Variants in ATP10A observed in about 807,000 individuals in gnomAD.
ATP10A encodes the protein ATPase phospholipid transporting 10A (putative).
Under a neutral mutation model 147.8 loss-of-function variants are expected in ATP10A, and 111 were observed. The observed-to-expected ratio is 0.75, with a 90% CI of 0.64 to 0.88. ATP10A has a LOEUF of 0.88. Ranked by LOEUF, ATP10A falls within the 40% of genes least tolerant of loss-of-function variation. The probability of loss-of-function intolerance (pLI) is 0.00; values close to 1 mark genes in which losing one functional copy is unlikely to be tolerated. For missense variants in ATP10A, 1,927 were observed against 1,959.0 expected (o/e 0.98, Z 0.31); for synonymous variants, 875 against 841.6 (o/e 1.04, Z -0.69).
intron 1 of ATP10A, among the ~76,000 whole-genome samples, chr15:25,831,461 G>A (rs1218031856): frequency 6.6e-6 from 1 of 152,218 alleles, no homozygotes; most frequent in Non-Finnish European, 1.5e-5. Context: ...CATGTTCAGT[G>A]TGTCGAGATG....
chr15:25,706,504 C>T (rs1413450823), intron 12 of ATP10A, among the ~76,000 whole-genome samples: 1 of 152,242 alleles, frequency 6.6e-6, no homozygotes, highest in Non-Finnish European at 1.5e-5. Flanking sequence ...GCTGTCCGAT[C>T]AGCCTGCATG....
At chr15:25,676,178 G>A (rs1410137865), downstream of ATP10A, among the ~76,000 whole-genome samples, 2 of 152,254 alleles carry the variant, frequency 1.3e-5, no homozygotes, top group South Asian at 2.1e-4. Flanking sequence ...GTAGAGATGC[G>A]AGGAAAGCAG....
chr15:25,817,814 G>A (rs1026246439), intron 1 of ATP10A, among the ~76,000 whole-genome samples: 4 of 152,244 alleles, frequency 2.6e-5, no homozygotes, highest in African/African-American at 7.2e-5. Context: ...AATACAACAC[G>A]GGGCTCTTGT....
At chr15:25,746,307 T>C (rs932545341) in intron 2 of ATP10A, among the ~76,000 whole-genome samples, 1 of 152,004 alleles carries the variant, frequency 6.6e-6, no homozygotes, top group Non-Finnish European at 1.5e-5. Context: ...ATTTGAAAAA[T>C]AAAAATGTCT....
chr15:25,859,992 C>T (rs186850759), intron 1 of ATP10A, among the ~76,000 whole-genome samples: 82 of 152,264 alleles, frequency 5.4e-4, no homozygotes, highest in Admixed American at 4.7e-3. Flanking sequence ...TTGGAGGAAG[C>T]GCCACACAAA....
chr15:25,845,862 T>A (rs1893005781), intron 1 of ATP10A, among the ~76,000 whole-genome samples: 2 of 152,338 alleles, frequency 1.3e-5, no homozygotes, highest in African/African-American at 4.8e-5. Flanking sequence ...TACCCCCATG[T>A]TCACAGCAGC....
intron 2 of ATP10A, among the ~76,000 whole-genome samples, chr15:25,765,486 C>A (rs1280891935): frequency 1.3e-5 from 2 of 152,188 alleles, no homozygotes; most frequent in African/African-American, 4.8e-5. Context: ...TTCCAGAATT[C>A]TGCCCGTGTA....
intron 1 of ATP10A, among the ~76,000 whole-genome samples, chr15:25,829,085 C>T (rs115546167): frequency 0.029 from 4,429 of 152,228 alleles, 83 homozygotes; most frequent in South Asian, 0.059. Context: ...AGTAAGGAGG[C>T]GGAAAGTCGA....
At chr15:25,704,666 G>C (rs970554893) in intron 12 of ATP10A, among the ~76,000 whole-genome samples, 1 of 152,176 alleles carries the variant, frequency 6.6e-6, no homozygotes, top group Non-Finnish European at 1.5e-5. Context: ...GCATTGAACT[G>C]AAAAAGGAGT....
chr15:25,858,149 T>A (rs1893597867), intron 1 of ATP10A, among the ~76,000 whole-genome samples: 1 of 152,170 alleles, frequency 6.6e-6, no homozygotes, highest in Admixed American at 6.5e-5. Context: ...GGAAATAATA[T>A]TCCGCAAGCG....
intron 1 of ATP10A, among the ~76,000 whole-genome samples, chr15:25,846,028 C>A (rs527891592): frequency 2.6e-5 from 4 of 152,090 alleles, no homozygotes; most frequent in Non-Finnish European, 5.9e-5. Flanking sequence ...CTTGAGGACA[C>A]GATGCTGAGT....
chr15:25,732,629 C>A (rs764723902), intron 3 of ATP10A, among the ~76,000 whole-genome samples: 2 of 10,444 alleles, frequency 1.9e-4, no homozygotes, highest in Admixed American at 4.0e-3. Flanking sequence ...GATTCTGGCT[C>A]ACTGCAAGCT....
intron 9 of ATP10A, among the ~76,000 whole-genome samples, chr15:25,715,409 T>C (rs1291631203): frequency 4.6e-5 from 7 of 152,222 alleles, no homozygotes; most frequent in East Asian, 1.9e-4. Flanking sequence ...GGGTGATTGA[T>C]AGGCTGTTCC....
At chr15:25,833,487 G>C (rs1300835099) in intron 1 of ATP10A, among the ~76,000 whole-genome samples, 1 of 152,094 alleles carries the variant, frequency 6.6e-6, no homozygotes, top group Non-Finnish European at 1.5e-5. Flanking sequence ...TTTATTTAAA[G>C]AGCAGTTTGA....
At chr15:25,702,280 G>C (rs532310307) in intron 12 of ATP10A, among the ~76,000 whole-genome samples, 180 bp from the exon 13 acceptor site, 1 of 152,368 alleles carries the variant, frequency 6.6e-6, no homozygotes, top group Non-Finnish European at 1.5e-5. Context: ...GAAGTCCCCT[G>C]TGGAACCATT....
chr15:25,708,097 C>T lies in ATP10A; in HGVS notation c.2454G>A (p.Leu818=), dbSNP rs888035172. The change falls in exon 12 of 21, where the codon CTG becomes CTA. Residue 818 remains leucine, a synonymous_variant. Transcript: ENST00000555815. ...ACCAGCAGGCATACTCTTCTTTACT[C>T]AGAACCTATGGGAGATACATTGTTG... ...LRTLCIAKRV[L]SKEEYACWLQ... The T allele has an allele frequency of 1.9e-6, 3 of 1,613,960 alleles. No individual in the cohort carries two copies. Among genetic ancestry groups the T allele is most frequent in the African/African-American group, 2.7e-5 (2 of 74,946 alleles).
chr15:25,751,290 A>G (rs1448356123), intron 2 of ATP10A, among the ~76,000 whole-genome samples: 1 of 152,168 alleles, frequency 6.6e-6, no homozygotes, highest in Non-Finnish European at 1.5e-5. Context: ...ATAGATCTGC[A>G]AAGAGAAATA....
intron 3 of ATP10A, among the ~76,000 whole-genome samples, chr15:25,735,664 C>T (rs1386917252): frequency 1.3e-5 from 2 of 152,192 alleles, no homozygotes; most frequent in East Asian, 1.9e-4. Flanking sequence ...TCAATAAATA[C>T]GTGTTCAGTG....
At chr15:25,814,442 A>G (rs1891562737) in intron 1 of ATP10A, among the ~76,000 whole-genome samples, 1 of 152,208 alleles carries the variant, frequency 6.6e-6, no homozygotes, top group Non-Finnish European at 1.5e-5. Context: ...ACAAGGAATG[A>G]AACTCACCAG....
Sources: gnomAD v4.1 joint callset for allele counts (sites outside exome capture counted in the v4.1 genomes callset) on GRCh38, gnomAD v4.1.1 for gene constraint, MANE v1.5 for transcripts, NCBI Gene and HGNC (gene_info 2026-07-23, HGNC 2026-07-21) for gene names.